The following RNF213 variants were observed in gnomAD, a reference collection of about 807,000 sequenced individuals.
RNF213 encodes the protein E3 ubiquitin-protein ligase RNF213.
RNF213 carries 341 observed loss-of-function variants against 514.4 expected under a neutral mutation model. That is an observed-to-expected ratio of 0.66 (90% CI 0.61 to 0.73). RNF213 has a LOEUF of 0.73. RNF213 is among the 30% of genes least tolerant of loss of function. The probability of loss-of-function intolerance (pLI) is 0.00; values close to 1 mark genes in which losing one functional copy is unlikely to be tolerated. For synonymous variants in RNF213, 2,655 were observed against 2,658.2 expected (o/e 1.00, Z 0.04); for missense variants, 5,767 against 6,615.6 (o/e 0.87, Z 4.45).
intron 41 of RNF213, among the ~76,000 whole-genome samples, chr17:80,364,110 C>T (rs1421660393): frequency 1.3e-5 from 2 of 152,180 alleles, no homozygotes; most frequent in Non-Finnish European, 2.9e-5. Flanking sequence ...GTGCACAGAG[C>T]AGGACAGGCC....
At position 80,345,278 on chromosome 17, in the gene RNF213, A is replaced by T; in HGVS notation, c.6943A>T (p.Met2315Leu). ...YVFFNDDHTT[M>L]TFIGFHLQPN... ...TTTCTTCAATGACGACCACACAACCATGACATTCATCGGCTTCCATCTGCA... is the reference window on the plus strand; with the variant it reads ...TTTCTTCAATGACGACCACACAACCTTGACATTCATCGGCTTCCATCTGCA... The change falls in exon 29 of 68, where the codon ATG becomes TTG. Residue 2315 changes from methionine (M) to leucine (L), a missense_variant. Coordinates refer to ENST00000582970, the MANE Select transcript of RNF213 (RefSeq NM_001256071.3). This position sits in a 1 kb window ranked among gnomAD's most constrained non-coding sequence, Gnocchi z 6.0. 1 of 1,614,094 alleles carries T rather than the reference A, an allele frequency of 6.2e-7. No homozygotes were observed. Among genetic ancestry groups the T allele is most frequent in the Non-Finnish European group, 8.5e-7 (1 of 1,180,020 alleles).
rs536025294 is a variant in RNF213 at position 80,322,306 on chromosome 17, A to G, written c.3025-2724A>G. Among the ~76,000 whole-genome samples the G allele has an allele frequency of 9.9e-5, 15 of 151,608 alleles. No homozygotes were observed. The South Asian group carries it at 3.1e-3, about 32-fold the overall frequency. ...CTCCCGAGTAGCAGGGACTACAGGC[A>G]TGTGCCACCATGTTCAGCTAATTAA... On this transcript the variant is annotated intron_variant, in intron 17 of 67. Coordinates refer to ENST00000582970, the MANE Select transcript of RNF213 (RefSeq NM_001256071.3).
At chr17:80,273,592 AC>A (rs921332182) in intron 3 of RNF213, among the ~76,000 whole-genome samples, 188 bp downstream of exon 3, 1 of 125,366 alleles carries the variant, frequency 8.0e-6, no homozygotes, top group African/African-American at 3.0e-5. Context: ...TGGGTTCCAG[AC>A]CCCCTGGGGC....
At chr17:80,261,505 C>T (rs1331976664) in intron 1 of RNF213, among the ~76,000 whole-genome samples, 2 of 152,132 alleles carry the variant, frequency 1.3e-5, no homozygotes, top group Non-Finnish European at 2.9e-5. Flanking sequence ...GAGTCCAGGG[C>T]GGGAGGGGAA....
intron 11 of RNF213, chr17:80,298,811 C>CAA (rs71365598): frequency 1.1e-3 from 237 of 222,388 alleles, no homozygotes; most frequent in East Asian, 2.1e-3. Flanking sequence ...CGAAAAATAC[C>CAA]AAAAAAAAAA....
chr17:80,267,845 G>T (rs200897204), intron 2 of RNF213, among the ~76,000 whole-genome samples: 1 of 150,620 alleles, frequency 6.6e-6, no homozygotes, highest in East Asian at 2.0e-4. Context: ...TTTGAGACAG[G>T]GTCTTGGTCT....
chr17:80,331,135 C>A (rs1243195756), intron 20 of RNF213, among the ~76,000 whole-genome samples: 2 of 152,076 alleles, frequency 1.3e-5, no homozygotes, highest in East Asian at 3.9e-4. Context: ...GTGTCTTAAA[C>A]AGACTTTGAA....
chr17:80,376,156 TCTC>T (rs2079748810), intron 51 of RNF213, 142 bp from the exon 52 acceptor site: 4 of 901,492 alleles, frequency 4.4e-6, no homozygotes, highest in Non-Finnish European at 5.3e-6. Flanking sequence ...ACAATTCTCT[TCTC>T]TGAAAAATTT....
In RNF213 at chr17:80,317,798, G is replaced by A. The variant is rs2045997637; in HGVS notation, c.2901+521G>A. Among the ~76,000 whole-genome samples, 1 of 152,184 alleles carries A rather than the reference G, an allele frequency of 6.6e-6. No homozygotes were observed. The highest frequency in any genetic ancestry group is 2.4e-5 in the African/African-American group (1 of 41,442). The stretch of plus-strand genomic sequence containing the variant: ...ATCAGCTCAGTGGGTCCCTTGCCTT[G>A]TTGCCTAGGGTGGCTGCCCTCTGCC... On this transcript the variant is annotated intron_variant, in intron 16 of 67. Coordinates refer to ENST00000582970, the MANE Select transcript of RNF213 (RefSeq NM_001256071.3). This position sits in a 1 kb window ranked among gnomAD's most constrained non-coding sequence, Gnocchi z 4.1.
At chr17:80,365,651 A>G (rs1010181718) in intron 42 of RNF213, among the ~76,000 whole-genome samples, 2 of 152,160 alleles carry the variant, frequency 1.3e-5, no homozygotes, top group African/African-American at 4.8e-5. Flanking sequence ...TTTTCGTGGC[A>G]TGGTCATGTT....
chr17:80,340,484 T>C (rs2078121533), intron 26 of RNF213, 128 bp downstream of exon 26: 2 of 895,048 alleles, frequency 2.2e-6, no homozygotes, highest in African/African-American at 3.3e-5. Flanking sequence ...GATTCATCTG[T>C]GGGTGTCAAT....
chr17:80,339,183 A>T lies in RNF213; in HGVS notation c.4834-18A>T. 6.9e-7 allele frequency: 1 copy of T among 1,459,742 alleles called. No homozygotes were observed. The highest frequency in any genetic ancestry group is 1.4e-5 in the South Asian group (1 of 70,972). 90.4% of individuals were successfully genotyped at this position (1,459,742 alleles called of 1,614,324 possible). A position where few individuals can be genotyped will look rare whatever the true frequency, so the allele number is the denominator to read the frequency against. On this transcript the variant is annotated intron_variant, in intron 25 of 67. Transcript: ENST00000582970. Reference sequence around the variant, plus strand: ...TCGCATGGCTCTGTGAGCCAACCTCATGGTTCTGCCTCTCCAGGTCTTCTG... The same window carrying T: ...TCGCATGGCTCTGTGAGCCAACCTCTTGGTTCTGCCTCTCCAGGTCTTCTG...
At chr17:80,318,859 C>T (rs1029660572) in intron 16 of RNF213, among the ~76,000 whole-genome samples, 3 of 152,230 alleles carry the variant, frequency 2.0e-5, no homozygotes, top group African/African-American at 7.2e-5. Context: ...AGGCGTGAGC[C>T]ACCGCGCCCG....
At chr17:80,373,252 C>A in intron 49 of RNF213, 87 bp downstream of exon 49, 1 of 1,061,066 alleles carries the variant, frequency 9.4e-7, no homozygotes, top group Non-Finnish European at 1.3e-6. Context: ...CCCTCACACC[C>A]TACCCCCCCC....
rs753924460 is a variant in RNF213, at chr17:80,371,921, AAAAG to A, written c.12478_12481del (p.Lys4160HisfsTer3). 1 of 1,595,948 alleles carries A rather than the reference AAAAG, an allele frequency of 6.3e-7. No homozygotes were observed. The highest frequency in any genetic ancestry group is 8.6e-7 in the Non-Finnish European group (1 of 1,163,434). ...ATTCAGGAATATTTGACCCTGTTAAAAAAGAAAGCATTCATAACTGAAGATAAAA... is the reference window on the plus strand; with the variant it reads ...ATTCAGGAATATTTGACCCTGTTAAAAAAGCATTCATAACTGAAGATAAAA... On this transcript the variant is annotated frameshift_variant, in exon 47 of 68. Transcript: ENST00000582970. LOFTEE classifies it high-confidence loss of function.
chr17:80,334,214 T>C lies in RNF213; in HGVS notation c.4253T>C (p.Leu1418Pro). 1 of 1,537,270 alleles carries C rather than the reference T, an allele frequency of 6.5e-7. No homozygotes were observed. The highest frequency in any genetic ancestry group is 8.7e-7 in the Non-Finnish European group (1 of 1,146,906). ...ATCAGCGAGGCCCGGTGCAAGGGGCTGCAGGCTCTGTCCCTGAGAAAGGAG... is the reference window on the plus strand; with the variant it reads ...ATCAGCGAGGCCCGGTGCAAGGGGCCGCAGGCTCTGTCCCTGAGAAAGGAG... ...QDISEARCKG[L>P]QALSLRKEFI... The change falls in exon 22 of 68, where the codon CTG becomes CCG. Residue 1418 changes from leucine (L) to proline (P), a missense_variant. By Grantham distance (98) the Leu-to-Pro change is moderately conservative. This residue lies in a region of RNF213 where 516 missense variants were observed against 566.5 expected (regional missense o/e 0.91). Transcript: ENST00000582970.
intron 17 of RNF213, chr17:80,319,656 G>A: frequency 6.7e-7 from 1 of 1,490,528 alleles, no homozygotes; most frequent in East Asian, 2.5e-5. Flanking sequence ...GTTAACACTT[G>A]CTCAGTAGGT....
In RNF213 at chr17:80,380,958, C is replaced by A; in HGVS notation, c.13768C>A (p.Leu4590Met). 4.3e-6 allele frequency: 7 copies of A among 1,614,228 alleles called. No homozygotes were observed. The highest frequency in any genetic ancestry group is 5.1e-6 in the Non-Finnish European group (6 of 1,180,040). ...LLIRLLTHLA[L>M]LLGASQSSQA... ...TATCCGGCTACTCACTCACTTGGCTCTGCTTCTGGGAGCGTCCCAGAGTTC... is the reference window on the plus strand; with the variant it reads ...TATCCGGCTACTCACTCACTTGGCTATGCTTCTGGGAGCGTCCCAGAGTTC... Residue 4590 changes from leucine (L) to methionine (M), a missense_variant, in exon 56 of 68, where the codon CTG becomes ATG. Physicochemically the swap from Leu to Met is conservative, Grantham distance 15. Coordinates refer to ENST00000582970, the MANE Select transcript of RNF213 (RefSeq NM_001256071.3).
intron 36 of RNF213, 118 bp downstream of exon 36, chr17:80,354,694 C>G: frequency 7.7e-7 from 1 of 1,301,948 alleles, no homozygotes; most frequent in Non-Finnish European, 1.1e-6. Flanking sequence ...TTCCAAACCT[C>G]TCAGCCATTC....
Sources: allele counts gnomAD v4.1 joint callset (sites outside exome capture counted in the v4.1 genomes callset), GRCh38; gene constraint gnomAD v4.1.1; regional missense constraint gnomAD v4.1.1; non-coding constraint Gnocchi (gnomAD v3.1); transcripts MANE v1.5; gene names NCBI Gene and HGNC (gene_info 2026-07-23, HGNC 2026-07-21).